JMJD1C: variants seen among roughly 807,000 people sequenced by gnomAD.
JMJD1C encodes the protein jumonji domain-containing protein 1C.
In JMJD1C, 31 loss-of-function variants were observed where a neutral mutation model predicts 245.3. The observed-to-expected ratio is 0.13, with a 90% CI of 0.09 to 0.17. The LOEUF is 0.17. JMJD1C is among the 10% of genes least tolerant of loss of function. The pLI is 1.00. For synonymous variants in JMJD1C, 1,057 were observed against 1,017.4 expected (o/e 1.04, Z -0.74); for missense variants, 2,691 against 3,000.2 (o/e 0.90, Z 2.41).
At chr10:63,400,288 A>C (rs893000243) in intron 1 of JMJD1C, among the ~76,000 whole-genome samples, 17 of 152,156 alleles carry the variant, frequency 1.1e-4, no homozygotes, top group Non-Finnish European at 2.2e-4. Context: ...AGGATTTCCT[A>C]GATCAAAGAT....
At chr10:63,328,153 T>G (rs1941741497) in intron 2 of JMJD1C, among the ~76,000 whole-genome samples, 1 of 151,966 alleles carries the variant, frequency 6.6e-6, no homozygotes, top group African/African-American at 2.4e-5. Flanking sequence ...CAAATGCCTG[T>G]AATCCCAGCT....
At chr10:63,298,935 T>C (rs1859761282) in intron 2 of JMJD1C, among the ~76,000 whole-genome samples, 1 of 152,114 alleles carries the variant, frequency 6.6e-6, no homozygotes, top group East Asian at 1.9e-4. Flanking sequence ...TTCTCCATGT[T>C]GGTCAGGCTG....
At chr10:63,430,562 T>TA (rs1950687373) in intron 1 of JMJD1C, among the ~76,000 whole-genome samples, 3 of 152,112 alleles carry the variant, frequency 2.0e-5, no homozygotes, top group Admixed American at 6.5e-5. Flanking sequence ...AGAGAGTAGA[T>TA]AAGCGGTTGC....
intron 2 of JMJD1C, among the ~76,000 whole-genome samples, chr10:63,312,481 A>G (rs1463214276): frequency 6.6e-6 from 1 of 152,216 alleles, no homozygotes; most frequent in Non-Finnish European, 1.5e-5. Flanking sequence ...AAAATCCAAG[A>G]AATATGGAGT....
intron 2 of JMJD1C, among the ~76,000 whole-genome samples, chr10:63,339,623 T>TG (rs67258308): frequency 1.3e-5 from 2 of 150,540 alleles, no homozygotes; most frequent in African/African-American, 4.9e-5. Context: ...ATCTCTAATT[T>TG]AAAAAAAAAA....
At chr10:63,518,883 A>C (rs933673990) in intron 1 of JMJD1C, among the ~76,000 whole-genome samples, 1 of 152,232 alleles carries the variant, frequency 6.6e-6, no homozygotes, top group African/African-American at 2.4e-5. Context: ...CAGTTCCGCT[A>C]TCTATCCCAG....
At chr10:63,286,391 G>A (rs959246980) in intron 2 of JMJD1C, among the ~76,000 whole-genome samples, 17 of 152,204 alleles carry the variant, frequency 1.1e-4, no homozygotes, top group Non-Finnish European at 2.1e-4. Flanking sequence ...TTTAGGAACC[G>A]TTGCTTCAGC....
At chr10:63,195,302 C>T (rs910967038) in intron 13 of JMJD1C, among the ~76,000 whole-genome samples, 6 of 148,250 alleles carry the variant, frequency 4.0e-5, no homozygotes, top group Non-Finnish European at 3.0e-5. Flanking sequence ...TGCAGCAAGC[C>T]GAGATCGCGC....
rs146466323 is a variant in JMJD1C, at chr10:63,490,010, G to A, written n.113+31728C>T. 7.9e-5 allele frequency among the ~76,000 whole-genome samples: 12 copies of A among 152,326 alleles called. No homozygotes were observed. In the East Asian group the frequency reaches 1.2e-3, roughly 15 times the overall value. On this transcript the variant is annotated intron_variant and non_coding_transcript_variant, in intron 1 of 3. Transcript: ENST00000633035. Reference sequence around the variant, plus strand: ...GGAGGACACTGTGAACTGAGCACACGAAGGATCTAGGTTGCATGTTCCTTA... The same window carrying A: ...GGAGGACACTGTGAACTGAGCACACAAAGGATCTAGGTTGCATGTTCCTTA...
At chr10:63,371,406 ATTAAT>A (rs1370177515) in intron 2 of JMJD1C, among the ~76,000 whole-genome samples, 3 of 152,204 alleles carry the variant, frequency 2.0e-5, no homozygotes, top group Non-Finnish European at 2.9e-5. Flanking sequence ...ATGCCAAAAT[ATTAAT>A]TTAACAGCAT....
intron 2 of JMJD1C, among the ~76,000 whole-genome samples, chr10:63,277,542 T>C (rs1480413027): frequency 6.6e-6 from 1 of 152,106 alleles, no homozygotes; most frequent in African/African-American, 2.4e-5. Context: ...TGTCTGCAGA[T>C]TCTCAGAATA....
intron 1 of JMJD1C, among the ~76,000 whole-genome samples, chr10:63,400,598 T>C (rs574885142): frequency 6.6e-6 from 1 of 152,208 alleles, no homozygotes; most frequent in South Asian, 2.1e-4. Context: ...AGTCCTGCTC[T>C]GTCGCTCAAA....
At position 63,185,669 on chromosome 10, in the gene JMJD1C, T is replaced by C. The variant is rs1444224602; in HGVS notation, c.6740-16A>G. The C allele has an allele frequency of 1.4e-6, 2 of 1,405,346 alleles. No individual in the cohort carries two copies. The highest frequency in any genetic ancestry group is 1.0e-6 in the Non-Finnish European group (1 of 995,136). The allele number at this position is 1,405,346 out of a possible 1,614,324, so 87.1% of individuals were successfully genotyped here. On this transcript the variant is annotated splice_polypyrimidine_tract_variant and intron_variant, in intron 19 of 25. Coordinates refer to ENST00000399262, the MANE Select transcript of JMJD1C (RefSeq NM_032776.3). ...TTCTGCCGTTCTATAAGGAATGCAGTTAATTACTAAAAGGGTAATTTCTGC... is the reference window on the plus strand; with the variant it reads ...TTCTGCCGTTCTATAAGGAATGCAGCTAATTACTAAAAGGGTAATTTCTGC...
chr10:63,356,022 C>A (rs910060008), intron 2 of JMJD1C, among the ~76,000 whole-genome samples: 2 of 151,996 alleles, frequency 1.3e-5, no homozygotes, highest in African/African-American at 4.8e-5. Context: ...TTCTTGTAGT[C>A]CAATGTGAGG....
chr10:63,227,424 A>G (rs1458794861), intron 3 of JMJD1C, among the ~76,000 whole-genome samples: 1 of 152,208 alleles, frequency 6.6e-6, no homozygotes, highest in Non-Finnish European at 1.5e-5. Flanking sequence ...CTGGCTTAAT[A>G]ACGTAACAGA....
At chr10:63,215,192 A>G (rs1847837241) in intron 7 of JMJD1C, 41 bp from the exon 8 acceptor site, 7 of 1,522,680 alleles carry the variant, frequency 4.6e-6, no homozygotes, top group Non-Finnish European at 5.3e-6. Flanking sequence ...TTTCATACTA[A>G]ATAAGCATAT....
chr10:63,388,668 C>A (rs1947815506), intron 1 of JMJD1C, among the ~76,000 whole-genome samples: 1 of 152,058 alleles, frequency 6.6e-6, no homozygotes, highest in South Asian at 2.1e-4. Context: ...CACAAAACAA[C>A]CAGAAATTAA....
At chr10:63,290,295 G>A (rs1436464568) in intron 2 of JMJD1C, among the ~76,000 whole-genome samples, 5 of 152,270 alleles carry the variant, frequency 3.3e-5, no homozygotes, top group South Asian at 4.1e-4. Context: ...GTGGCCAGGC[G>A]CGGTGGCTCA....
At chr10:63,305,459 C>CTCTCTCTCTCTCTCTCTCT (rs1937978126) in intron 2 of JMJD1C, among the ~76,000 whole-genome samples, 5 of 113,086 alleles carry the variant, frequency 4.4e-5, no homozygotes, top group African/African-American at 6.8e-5. Context: ...ACGCTCTGAC[C>CTCTCTCTCTCTCTCTCTCT]CTCTCTCTCT....
Sources: allele counts gnomAD v4.1 joint callset (sites outside exome capture counted in the v4.1 genomes callset), GRCh38; gene constraint gnomAD v4.1.1; transcripts MANE v1.5; gene names NCBI Gene and HGNC (gene_info 2026-07-23, HGNC 2026-07-21).